The following PACSIN2 variants were observed in gnomAD, a reference collection of about 807,000 sequenced individuals.
PACSIN2 encodes protein kinase C and casein kinase substrate in neurons protein 2.
In PACSIN2, 25 loss-of-function variants were observed where a neutral mutation model predicts 63.8. The observed-to-expected ratio is 0.39, with a 90% CI of 0.29 to 0.55. The LOEUF is 0.55. PACSIN2 is among the 20% of genes least tolerant of loss of function. PACSIN2 has a pLI of 0.62. For synonymous variants in PACSIN2, 255 were observed against 256.2 expected (o/e 1.00, Z 0.05); for missense variants, 518 against 646.9 (o/e 0.80, Z 2.16).
At position 42,879,073 on chromosome 22, in the gene PACSIN2, G is replaced by T. The variant is rs752956842; in HGVS notation, c.1003C>A (p.Gln335Lys). 1 of 1,614,110 alleles carries T rather than the reference G, an allele frequency of 6.2e-7. No homozygotes were observed. Among genetic ancestry groups the T allele is most frequent in the Non-Finnish European group, 8.5e-7 (1 of 1,180,000 alleles). Residue 335 changes from glutamine (Q) to lysine (K), a missense_variant, in exon 8 of 11, where the codon CAG becomes AAG. Physicochemically the swap from Gln to Lys is moderately conservative, Grantham distance 53 (BLOSUM62 1). Transcript: ENST00000263246. Reference sequence around the variant, plus strand: ...CTGCTGGGCTTACTCGGCAGAGACTGGTCGCCTGTCTGGTTGATGCCCGTC... The same window carrying T: ...CTGCTGGGCTTACTCGGCAGAGACTTGTCGCCTGTCTGGTTGATGCCCGTC... Reference protein sequence around the residue: ...TLTGINQTGDQSLPSKPSSTL... With the variant: ...TLTGINQTGDKSLPSKPSSTL...
intron 1 of PACSIN2, among the ~76,000 whole-genome samples, chr22:42,952,173 G>A (rs199938348): frequency 6.6e-6 from 1 of 152,056 alleles, no homozygotes; most frequent in Non-Finnish European, 1.5e-5. Context: ...TTGTTTGCCC[G>A]TGTTCCTACC....
intron 1 of PACSIN2, among the ~76,000 whole-genome samples, chr22:42,978,258 C>G (rs1449294046): frequency 6.6e-6 from 1 of 152,090 alleles, no homozygotes; most frequent in Non-Finnish European, 1.5e-5. Flanking sequence ...TTAAAACATG[C>G]ATTTGTGAGG....
chr22:42,928,742 C>T (rs1403255550), intron 1 of PACSIN2, among the ~76,000 whole-genome samples: 4 of 152,196 alleles, frequency 2.6e-5, no homozygotes, highest in African/African-American at 4.8e-5. Flanking sequence ...CACACAAATA[C>T]ATATACCTCT....
chr22:42,921,732 T>C (rs1932206670), intron 1 of PACSIN2, among the ~76,000 whole-genome samples: 2 of 143,412 alleles, frequency 1.4e-5, no homozygotes, highest in Non-Finnish European at 3.1e-5. Context: ...GGAAACTTCA[T>C]TTAGAAGCTT....
At chr22:43,003,738 C>A (rs1250403696) in intron 1 of PACSIN2, among the ~76,000 whole-genome samples, 1 of 152,222 alleles carries the variant, frequency 6.6e-6, no homozygotes, top group Non-Finnish European at 1.5e-5. Flanking sequence ...AACACAATTT[C>A]TTCTCCCTTG....
chr22:43,004,549 A>T (rs1357500185), intron 1 of PACSIN2, among the ~76,000 whole-genome samples: 2 of 152,230 alleles, frequency 1.3e-5, no homozygotes, highest in Admixed American at 1.3e-4. Context: ...GGACGTCTGT[A>T]CAGGGAGCAC....
intron 1 of PACSIN2, among the ~76,000 whole-genome samples, chr22:42,949,020 T>C (rs1302470817): frequency 6.6e-6 from 1 of 152,106 alleles, no homozygotes; most frequent in Non-Finnish European, 1.5e-5. Flanking sequence ...GGGTCAGGCA[T>C]AGTGGCTCAC....
intron 1 of PACSIN2, among the ~76,000 whole-genome samples, chr22:42,926,794 T>TG (rs1403522748): frequency 1.8e-4 from 27 of 151,466 alleles, no homozygotes; most frequent in Admixed American, 1.6e-3. Flanking sequence ...ATCACGCCTG[T>TG]GAATAGCCAC....
At chr22:43,010,855 G>T (rs1020300106) in intron 1 of PACSIN2, among the ~76,000 whole-genome samples, 18 of 152,174 alleles carry the variant, frequency 1.2e-4, no homozygotes, top group Non-Finnish European at 8.8e-5. Context: ...AATTCAATAG[G>T]TAACTTAAGG....
At chr22:43,002,956 C>T (rs738378) in intron 1 of PACSIN2, among the ~76,000 whole-genome samples, 92,737 of 152,060 alleles carry the variant, frequency 0.61, 28,894 homozygotes, top group East Asian at 0.81. Context: ...AAGGAAACAG[C>T]GAGGTCAGTT....
At position 42,952,295 on chromosome 22, in the gene PACSIN2, C is replaced by G. The variant is rs114124646; in HGVS notation, c.-77-40138G>C. On this transcript the variant is annotated intron_variant, in intron 1 of 10. Transcript: ENST00000263246. ...GCAAACCAGGTATCTTAATGACTCT[C>G]CTGTTGAAGAAATTTATTTATTTAT... is the stretch of plus-strand genomic sequence containing the variant. Among the ~76,000 whole-genome samples the G allele has an allele frequency of 5.2e-3, 785 of 151,932 alleles. 3 individuals carry two copies. Among genetic ancestry groups the G allele is most frequent in the African/African-American group, 0.018 (750 of 41,468 alleles).
At chr22:42,970,710 A>G (rs1921192324) in intron 1 of PACSIN2, among the ~76,000 whole-genome samples, 1 of 152,244 alleles carries the variant, frequency 6.6e-6, no homozygotes, top group African/African-American at 2.4e-5. Flanking sequence ...TGAAGCCTAA[A>G]GAAATCAAAT....
intron 1 of PACSIN2, among the ~76,000 whole-genome samples, chr22:42,937,685 C>T (rs1180210513): frequency 1.3e-5 from 2 of 152,184 alleles, no homozygotes; most frequent in East Asian, 3.9e-4. Flanking sequence ...TCCTGCACTT[C>T]CCCTAACTCG....
chr22:42,957,465 T>C (rs1416605187), intron 1 of PACSIN2, among the ~76,000 whole-genome samples: 3 of 152,164 alleles, frequency 2.0e-5, no homozygotes, highest in Non-Finnish European at 4.4e-5. Context: ...CACACCGAGG[T>C]CTAGGAACAG....
intron 1 of PACSIN2, among the ~76,000 whole-genome samples, chr22:42,979,982 C>T (rs1002788039): frequency 8.5e-5 from 13 of 152,058 alleles, no homozygotes; most frequent in African/African-American, 3.1e-4. Flanking sequence ...AATACACATA[C>T]ATGCTTAACT....
At chr22:42,961,573 A>AC (rs1465785445) in intron 1 of PACSIN2, among the ~76,000 whole-genome samples, 2 of 152,128 alleles carry the variant, frequency 1.3e-5, no homozygotes, top group Non-Finnish European at 2.9e-5. Context: ...GGAGTTTGAG[A>AC]CCAGCCTAGC....
chr22:42,874,524 A>G (rs1928435067), intron 10 of PACSIN2, among the ~76,000 whole-genome samples: 1 of 152,212 alleles, frequency 6.6e-6, no homozygotes, highest in South Asian at 2.1e-4. Flanking sequence ...GTGCACACAC[A>G]CAAGTTGCTG....
intron 1 of PACSIN2, among the ~76,000 whole-genome samples, chr22:42,996,788 G>C (rs768814264): frequency 1.3e-5 from 2 of 152,152 alleles, no homozygotes; most frequent in Non-Finnish European, 2.9e-5. Flanking sequence ...CTCAGGCCTG[G>C]CTTACTGAGT....
intron 1 of PACSIN2, among the ~76,000 whole-genome samples, chr22:42,921,818 A>G (rs1932215103): frequency 6.6e-6 from 1 of 151,696 alleles, no homozygotes; most frequent in African/African-American, 2.4e-5. Flanking sequence ...AGCTCACTGC[A>G]ACCTCCGTCT....
Sources: allele counts gnomAD v4.1 joint callset (sites outside exome capture counted in the v4.1 genomes callset), GRCh38; gene constraint gnomAD v4.1.1; transcripts MANE v1.5; gene names NCBI Gene and HGNC (gene_info 2026-07-23, HGNC 2026-07-21).